The following VPS53 variants were observed in gnomAD, a reference collection of about 807,000 sequenced individuals.
The protein encoded by VPS53 is vacuolar protein sorting-associated protein 53 homolog.
VPS53 carries 70 observed loss-of-function variants against 107.0 expected under a neutral mutation model. The observed-to-expected ratio is 0.65, with a 90% CI of 0.54 to 0.80. The LOEUF (loss-of-function observed/expected upper bound fraction) is 0.80, where lower values mean the gene tolerates loss of function less well. Among genes scored for constraint, VPS53 ranks in the 30% least tolerant of loss-of-function variants. The pLI is 0.00. For synonymous variants in VPS53, 409 were observed against 393.3 expected (o/e 1.04, Z -0.47); for missense variants, 917 against 1,049.4 (o/e 0.87, Z 1.74).
chr17:566,621 G>C lies in VPS53; in HGVS notation c.1314-3876C>G, dbSNP rs559007407. On this transcript the variant is annotated intron_variant, in intron 13 of 21. Coordinates refer to ENST00000437048, the MANE Select transcript of VPS53 (RefSeq NM_001128159.3). ...GGCCGGTGCAGTGGAGGAGAACATG[G>C]AACAGAAGGCAAAAGATTCCCCTGG... Among the ~76,000 whole-genome samples, 10 of 152,282 alleles carry C rather than the reference G, an allele frequency of 6.6e-5. 1 individual carries two copies. The highest frequency in any genetic ancestry group is 2.4e-4 in the African/African-American group (10 of 41,554).
intron 19 of VPS53, chr17:532,490 C>G (rs1909669187): frequency 4.6e-6 from 1 of 216,362 alleles, no homozygotes. Flanking sequence ...AAATTCCTTA[C>G]CCCAGGTGAT....
chr17:633,106 T>C (rs912851671), intron 7 of VPS53, among the ~76,000 whole-genome samples: 8 of 152,118 alleles, frequency 5.3e-5, no homozygotes, highest in Non-Finnish European at 1.0e-4. Context: ...TGTACTTGAA[T>C]GCAAGGGCAG....
At chr17:553,317 G>C (rs1440514978) in intron 16 of VPS53, 63 bp downstream of exon 16, 3 of 1,501,916 alleles carry the variant, frequency 2.0e-6, no homozygotes, top group Non-Finnish European at 2.8e-6. Flanking sequence ...GTACATACGT[G>C]CTGCACGCTG....
intron 13 of VPS53, among the ~76,000 whole-genome samples, chr17:573,321 A>C (rs1914333177): frequency 1.3e-5 from 2 of 152,248 alleles, no homozygotes; most frequent in South Asian, 4.1e-4. Flanking sequence ...AAATTGAGAA[A>C]GCCATTTAAA....
At chr17:540,057 T>A (rs112287731) in intron 17 of VPS53, among the ~76,000 whole-genome samples, 5 of 146,768 alleles carry the variant, frequency 3.4e-5, no homozygotes, top group Admixed American at 1.4e-4. Context: ...GCTAGACAAC[T>A]TCCCCCCCGA....
Position 521,544 on chromosome 17 carries a change from G to C in VPS53, c.2223+57C>G, listed in dbSNP as rs1401380457. 6.1e-6 allele frequency: 9 copies of C among 1,472,684 alleles called. No individual in the cohort carries two copies. In the East Asian group the frequency reaches 1.8e-4, roughly 29 times the overall value. 91.2% of individuals were successfully genotyped at this position (1,472,684 alleles called of 1,614,324 possible). On this transcript the variant is annotated intron_variant, in intron 20 of 21. Transcript: ENST00000437048. ...CCTACCCTGTGCTTTCAAAACCAAGGCTTCTCAGAAAAAGAGATTAAATAA... is the reference window on the plus strand; with the variant it reads ...CCTACCCTGTGCTTTCAAAACCAAGCCTTCTCAGAAAAAGAGATTAAATAA...
chr17:649,678 T>C (rs988700026), intron 7 of VPS53, among the ~76,000 whole-genome samples: 9 of 150,688 alleles, frequency 6.0e-5, no homozygotes, highest in Admixed American at 1.3e-4. Flanking sequence ...ACTGAAGATC[T>C]TACACTGGAG....
intron 11 of VPS53, among the ~76,000 whole-genome samples, chr17:609,158 G>C (rs951382968): frequency 1.3e-5 from 2 of 152,054 alleles, no homozygotes; most frequent in Non-Finnish European, 2.9e-5. Flanking sequence ...CTGTTACTGG[G>C]AAGCTGTTAC....
intron 8 of VPS53, among the ~76,000 whole-genome samples, chr17:630,470 A>G (rs1332960394): frequency 6.6e-6 from 1 of 152,148 alleles, no homozygotes; most frequent in African/African-American, 2.4e-5. Flanking sequence ...TGGCTTTCCA[A>G]TATCTACTCC....
chr17:654,736 CA>C (rs35308893), intron 6 of VPS53, among the ~76,000 whole-genome samples: 1,392 of 67,480 alleles, frequency 0.021, 14 homozygotes, highest in African/African-American at 0.054. Flanking sequence ...GACTCCAACT[CA>C]AAAAAAAAAA....
At chr17:597,325 C>A (rs965951287) in intron 12 of VPS53, among the ~76,000 whole-genome samples, 1 of 152,082 alleles carries the variant, frequency 6.6e-6, no homozygotes, top group Non-Finnish European at 1.5e-5. Context: ...TGGTGGGGTC[C>A]CTCCCCCACC....
At chr17:707,483 G>A (rs888184916) in intron 2 of VPS53, among the ~76,000 whole-genome samples, 6 of 146,246 alleles carry the variant, frequency 4.1e-5, no homozygotes, top group Non-Finnish European at 7.4e-5. Flanking sequence ...TCATGCCATT[G>A]CACTCCAGCC....
At chr17:567,016 A>C (rs1913588960) in intron 13 of VPS53, among the ~76,000 whole-genome samples, 1 of 151,998 alleles carries the variant, frequency 6.6e-6, no homozygotes, top group Non-Finnish European at 1.5e-5. Context: ...AAGTGCTGGG[A>C]TTACAGGCGT....
At chr17:703,250 C>T (rs956582343) in intron 2 of VPS53, among the ~76,000 whole-genome samples, 4 of 152,118 alleles carry the variant, frequency 2.6e-5, no homozygotes, top group Admixed American at 2.6e-4. Context: ...AGGACAGGTG[C>T]TTTGCCTGAA....
chr17:657,761 T>C (rs1971251519), intron 5 of VPS53, among the ~76,000 whole-genome samples: 3 of 152,204 alleles, frequency 2.0e-5, no homozygotes, highest in South Asian at 4.1e-4. Flanking sequence ...CTCATTAAAG[T>C]GAGAAACTTG....
intron 15 of VPS53, among the ~76,000 whole-genome samples, chr17:556,284 A>G (rs1912339923): frequency 6.6e-6 from 1 of 152,164 alleles, no homozygotes; most frequent in Admixed American, 6.5e-5. Context: ...CATATTAAAC[A>G]AAAAGAATCT....
intron 1 of VPS53, among the ~76,000 whole-genome samples, chr17:711,811 T>C (rs1027985187): frequency 6.9e-6 from 1 of 145,672 alleles, no homozygotes; most frequent in African/African-American, 2.5e-5. Flanking sequence ...TGGTACTTCA[T>C]GGGCAATTTT....
At chr17:623,461 T>C (rs1442866865) in intron 11 of VPS53, 72 bp downstream of exon 11, 14 of 1,540,684 alleles carry the variant, frequency 9.1e-6, no homozygotes, top group Non-Finnish European at 1.2e-5. Context: ...AGAGTCACCA[T>C]ACAGTGAAAC....
At chr17:538,476 T>C (rs1329050857) in intron 17 of VPS53, 1 of 152,246 alleles carries the variant, frequency 6.6e-6, no homozygotes, top group African/African-American at 2.4e-5. Context: ...AAGAAAACAC[T>C]ATTTTTACAG....
Sources: allele counts gnomAD v4.1 joint callset (sites outside exome capture counted in the v4.1 genomes callset), GRCh38; gene constraint gnomAD v4.1.1; transcripts MANE v1.5; gene names NCBI Gene and HGNC (gene_info 2026-07-23, HGNC 2026-07-21).